RNF111: variants seen among roughly 807,000 people sequenced by gnomAD.
RNF111 encodes the protein ring finger protein 111.
RNF111 carries 17 observed loss-of-function variants against 95.1 expected under a neutral mutation model. The ratio of observed to expected loss-of-function variants is 0.18; its 90% CI spans 0.12 to 0.27. The LOEUF (loss-of-function observed/expected upper bound fraction) is 0.27, where lower values mean the gene tolerates loss of function less well. Ranked by LOEUF, RNF111 falls within the 10% of genes least tolerant of loss-of-function variation. RNF111 has a pLI of 1.00. For missense variants in RNF111, 1,189 were observed against 1,210.4 expected (o/e 0.98, Z 0.26); for synonymous variants, 440 against 414.8 (o/e 1.06, Z -0.74).
intron 1 of RNF111, among the ~76,000 whole-genome samples, chr15:58,997,709 G>A (rs1438355244): frequency 6.6e-5 from 10 of 150,852 alleles, no homozygotes; most frequent in African/African-American, 2.2e-4. Flanking sequence ...CCAGCTACTC[G>A]GGAGGCTGAG....
chr15:59,091,087 G>A lies in RNF111; in HGVS notation c.2672G>A (p.Gly891Asp), dbSNP rs2079039574. Reference sequence around the variant, plus strand: ...CTGATTCATTTGGAAGAAAGATTAGGCAATGTCAATCGTGGAGCATCCCAG... The same window carrying A: ...CTGATTCATTTGGAAGAAAGATTAGACAATGTCAATCGTGGAGCATCCCAG... ...EELIHLEERLGNVNRGASQGT... is the reference protein window; with the variant it reads ...EELIHLEERLDNVNRGASQGT... Residue 891 changes from glycine to aspartate, a missense_variant, in exon 12 of 14, where the codon GGC (glycine) becomes GAC (aspartate). Coordinates refer to ENST00000348370, the MANE Select transcript of RNF111 (RefSeq NM_017610.8). 6.2e-7 allele frequency: 1 copy of A among 1,609,128 alleles called. No individual in the cohort carries two copies. Among genetic ancestry groups the A allele is most frequent in the Non-Finnish European group, 8.5e-7 (1 of 1,176,554 alleles).
chr15:59,071,620 AG>A (rs1350751670), intron 6 of RNF111, among the ~76,000 whole-genome samples: 4 of 149,310 alleles, frequency 2.7e-5, no homozygotes, highest in Non-Finnish European at 6.0e-5. Context: ...GCTTGAGCCT[AG>A]GAGGTGGAGC....
intron 13 of RNF111, chr15:59,093,528 C>A: frequency 2.9e-6 from 1 of 343,056 alleles, no homozygotes; most frequent in Admixed American, 4.2e-5. Flanking sequence ...CTTTTATAAA[C>A]TGGTTTTGTC....
intron 6 of RNF111, among the ~76,000 whole-genome samples, chr15:59,068,853 G>T (rs2042783576): frequency 6.6e-6 from 1 of 151,866 alleles, no homozygotes; most frequent in Non-Finnish European, 1.5e-5. Context: ...AAAGTGGGTG[G>T]ATCACGAGAT....
At position 59,058,554 on chromosome 15, in the gene RNF111, T is replaced by G. The variant is rs374173350; in HGVS notation, c.1366+4T>G. 4.3e-6 allele frequency: 7 copies of G among 1,613,236 alleles called. No homozygotes were observed. The highest frequency in any genetic ancestry group is 1.1e-5 in the South Asian group (1 of 91,058). ...ACCACTGGCACTTCTATAGGAGGTA[T>G]GTAAAAAAGTGGGGGAGGGGAGACT... On this transcript the variant is annotated splice_donor_region_variant and intron_variant, in intron 5 of 13. Transcript: ENST00000348370.
chr15:59,003,128 T>C (rs2039396814), intron 1 of RNF111, among the ~76,000 whole-genome samples: 1 of 152,190 alleles, frequency 6.6e-6, no homozygotes, highest in African/African-American at 2.4e-5. Context: ...TCTTTTTTCT[T>C]TTTTCGAGAC....
chr15:59,018,119 T>G (rs1255975808), intron 1 of RNF111, among the ~76,000 whole-genome samples: 1 of 152,194 alleles, frequency 6.6e-6, no homozygotes, highest in African/African-American at 2.4e-5. Context: ...TATTACACTT[T>G]TAATGAAGAA....
intron 2 of RNF111, among the ~76,000 whole-genome samples, chr15:59,035,184 A>G (rs2041113515): frequency 6.6e-6 from 1 of 152,170 alleles, no homozygotes; most frequent in African/African-American, 2.4e-5. Flanking sequence ...CCCATGAATT[A>G]TGTCCACCTG....
chr15:59,076,277 C>G, intron 7 of RNF111, 62 bp downstream of exon 7: 1 of 1,542,936 alleles, frequency 6.5e-7, no homozygotes, highest in East Asian at 2.3e-5. Flanking sequence ...TTTGTACTTC[C>G]TTATGAAATA....
At chr15:59,073,701 ATTAATG>A (rs2043044882) in intron 6 of RNF111, among the ~76,000 whole-genome samples, 1 of 152,260 alleles carries the variant, frequency 6.6e-6, no homozygotes, top group East Asian at 1.9e-4. Context: ...CTTCCAAATT[ATTAATG>A]TTAATATTTT....
chr15:58,990,780 AC>A (rs1404380593), intron 1 of RNF111, among the ~76,000 whole-genome samples: 1 of 152,104 alleles, frequency 6.6e-6, no homozygotes, highest in East Asian at 1.9e-4. Flanking sequence ...ATTTTTTATT[AC>A]TCCTGGTAAC....
rs1188764883 is a variant in RNF111 at position 59,049,084 on chromosome 15, CA to C, written c.881-3220del. On this transcript the variant is annotated intron_variant, in intron 2 of 13. Transcript: ENST00000348370. ...TACACTCTAGCCTGACCCTGTCTCA[CA>C]CACACACAAAAAAGTATATTTACAT... 1.1e-4 allele frequency among the ~76,000 whole-genome samples: 16 copies of C among 152,182 alleles called. No individual in the cohort carries two copies. In the East Asian group the frequency reaches 3.1e-3, roughly 29 times the overall value.
chr15:59,059,474 G>C (rs113356160), intron 5 of RNF111, among the ~76,000 whole-genome samples: 2,048 of 152,294 alleles, frequency 0.013, 48 homozygotes, highest in African/African-American at 0.047. Flanking sequence ...TTAAAATAGA[G>C]TTACCATTGG....
At chr15:59,058,303 A>G in intron 4 of RNF111, 53 bp from the exon 5 acceptor site, 1 of 1,386,736 alleles carries the variant, frequency 7.2e-7, no homozygotes, top group Non-Finnish European at 1.0e-6. Flanking sequence ...TTAAAATATA[A>G]CCCTTTATCT....
At chr15:59,039,706 C>G (rs1463640022) in intron 2 of RNF111, among the ~76,000 whole-genome samples, 3 of 151,618 alleles carry the variant, frequency 2.0e-5, no homozygotes, top group African/African-American at 7.3e-5. Flanking sequence ...ACAGCTATTC[C>G]TTTAAGAACT....
At chr15:59,031,807 C>A in intron 2 of RNF111, 105 bp downstream of exon 2, 1 of 964,780 alleles carries the variant, frequency 1.0e-6, no homozygotes, top group Non-Finnish European at 1.6e-6. Flanking sequence ...CTATCAGGTT[C>A]TATTAACTTT....
intron 9 of RNF111, 139 bp downstream of exon 9, chr15:59,084,393 T>A: frequency 1.2e-6 from 1 of 807,856 alleles, no homozygotes. Context: ...ACACTGCCTC[T>A]GGGCAGATAG....
In RNF111 at chr15:59,095,738, A is replaced by T. The variant is rs999516260; in HGVS notation, c.*838A>T. The T allele has an allele frequency of 3.0e-6, 1 of 331,520 alleles. No homozygotes were observed. Among genetic ancestry groups the T allele is most frequent in the African/African-American group, 2.1e-5 (1 of 47,252 alleles). 20.5% of individuals were successfully genotyped at this position (331,520 alleles called of 1,614,324 possible). A position where few individuals can be genotyped will look rare whatever the true frequency, so the allele number is the denominator to read the frequency against. On this transcript the variant is annotated 3_prime_UTR_variant, in exon 14 of 14. Coordinates refer to ENST00000348370, the MANE Select transcript of RNF111 (RefSeq NM_017610.8). ...ATTGTACATACTTGCAGATTTAACA[A>T]AATTTTAGGGAAATTGAAAAAGACA...
chr15:59,045,756 C>A (rs1352559353), intron 2 of RNF111, among the ~76,000 whole-genome samples: 1 of 152,208 alleles, frequency 6.6e-6, no homozygotes, highest in Non-Finnish European at 1.5e-5. Flanking sequence ...AACATGTCTG[C>A]AAAGTCAATG....
Sources: gnomAD v4.1 joint callset for allele counts (sites outside exome capture counted in the v4.1 genomes callset) on GRCh38, gnomAD v4.1.1 for gene constraint, MANE v1.5 for transcripts, NCBI Gene and HGNC (gene_info 2026-07-23, HGNC 2026-07-21) for gene names.